The following GPC6 variants were observed in gnomAD, a reference collection of about 807,000 sequenced individuals.
GPC6 encodes glypican-6.
In GPC6, 14 loss-of-function variants were observed where a neutral mutation model predicts 55.2. The observed-to-expected ratio is 0.25, with a 90% CI of 0.17 to 0.40. The LOEUF (loss-of-function observed/expected upper bound fraction) is 0.40, where lower values mean the gene tolerates loss of function less well. Ranked by LOEUF, GPC6 falls within the 10% of genes least tolerant of loss-of-function variation. GPC6 has a pLI of 1.00. For synonymous variants in GPC6, 278 were observed against 259.6 expected (o/e 1.07, Z -0.68); for missense variants, 641 against 708.5 (o/e 0.90, Z 1.08).
intron 1 of GPC6, among the ~76,000 whole-genome samples, chr13:93,382,845 C>A (rs917067898): frequency 7.2e-5 from 11 of 152,122 alleles, no homozygotes; most frequent in Admixed American, 2.6e-4. Flanking sequence ...TATACATTGT[C>A]CCTACTTCCC....
chr13:93,676,716 T>C (rs149653023), intron 2 of GPC6, among the ~76,000 whole-genome samples: 1 of 152,296 alleles, frequency 6.6e-6, no homozygotes, highest in East Asian at 1.9e-4. Flanking sequence ...GTGTTCTGTA[T>C]GTTTTGCCAA....
chr13:93,266,086 G>A (rs1352641259), intron 1 of GPC6, among the ~76,000 whole-genome samples: 1 of 152,086 alleles, frequency 6.6e-6, no homozygotes, highest in Non-Finnish European at 1.5e-5. Context: ...TAAAAATGAA[G>A]ACACCTTCAG....
chr13:93,726,724 T>C lies in GPC6; in HGVS notation c.320-103430T>C, dbSNP rs1594404957. Reference sequence around the variant, plus strand: ...TTCTGTGGTTAGCTAAGTAATTTCTTTTTTGTAGTTATCCCTGCACAATGG... The same window carrying C: ...TTCTGTGGTTAGCTAAGTAATTTCTCTTTTGTAGTTATCCCTGCACAATGG... On this transcript the variant is annotated intron_variant, in intron 2 of 8. Transcript: ENST00000377047. Among the ~76,000 whole-genome samples the C allele has an allele frequency of 2.0e-5, 3 of 152,200 alleles. No individual in the cohort carries two copies. In the East Asian group the frequency reaches 5.8e-4, roughly 30 times the overall value.
intron 2 of GPC6, among the ~76,000 whole-genome samples, chr13:93,773,783 A>C (rs1284308880): frequency 6.6e-6 from 1 of 152,216 alleles, no homozygotes; most frequent in Admixed American, 6.6e-5. Context: ...AATAACAAGC[A>C]TTGAGTCTTA....
At chr13:93,738,969 A>ACACT (rs1555328095) in intron 2 of GPC6, among the ~76,000 whole-genome samples, 3 of 146,978 alleles carry the variant, frequency 2.0e-5, no homozygotes, top group Non-Finnish European at 4.5e-5. Context: ...ACACACACAC[A>ACACT]CACTCACACA....
intron 1 of GPC6, among the ~76,000 whole-genome samples, chr13:93,458,083 A>G (rs1184319083): frequency 1.3e-5 from 2 of 152,234 alleles, no homozygotes; most frequent in Non-Finnish European, 2.9e-5. Context: ...TCCCATGCAC[A>G]GATAACCATG....
At chr13:93,302,395 C>T (rs972467355) in intron 1 of GPC6, among the ~76,000 whole-genome samples, 1 of 152,168 alleles carries the variant, frequency 6.6e-6, no homozygotes, top group Non-Finnish European at 1.5e-5. Flanking sequence ...CAAAGGATTT[C>T]CACATGTAGT....
intron 4 of GPC6, among the ~76,000 whole-genome samples, chr13:94,105,919 C>A (rs998832597): frequency 1.3e-5 from 2 of 151,786 alleles, no homozygotes; most frequent in Non-Finnish European, 2.9e-5. Flanking sequence ...AAAAGGGTAG[C>A]TCCCACGACC....
At chr13:94,230,091 T>G (rs9524379) in intron 4 of GPC6, among the ~76,000 whole-genome samples, 30,341 of 152,014 alleles carry the variant, frequency 0.2, 3,205 homozygotes, top group East Asian at 0.42. Context: ...GATTATTTAG[T>G]TTGTCTGAAC....
At chr13:93,779,696 T>C (rs1885577704) in intron 2 of GPC6, among the ~76,000 whole-genome samples, 2 of 152,182 alleles carry the variant, frequency 1.3e-5, no homozygotes, top group Non-Finnish European at 2.9e-5. Context: ...TATCACTGTC[T>C]CTTTTTCATA....
intron 1 of GPC6, among the ~76,000 whole-genome samples, chr13:93,433,953 C>T (rs1361850800): frequency 1.3e-5 from 2 of 152,172 alleles, no homozygotes; most frequent in Non-Finnish European, 2.9e-5. Context: ...GAAGTTGAGT[C>T]GGTTCCCAGC....
intron 1 of GPC6, among the ~76,000 whole-genome samples, chr13:93,368,880 C>G (rs887584371): frequency 9.9e-5 from 15 of 152,118 alleles, no homozygotes; most frequent in Admixed American, 4.6e-4. Context: ...GGTTTGCAGA[C>G]TGTTTCCCAG....
At chr13:93,869,908 T>C (rs2139036346) in intron 3 of GPC6, among the ~76,000 whole-genome samples, 1 of 151,990 alleles carries the variant, frequency 6.6e-6, no homozygotes, top group Non-Finnish European at 1.5e-5. Flanking sequence ...AAAGAATGTT[T>C]TTCAAAAGAG....
chr13:93,693,208 A>G (rs1283072108), intron 2 of GPC6, among the ~76,000 whole-genome samples: 1 of 152,170 alleles, frequency 6.6e-6, no homozygotes, highest in Non-Finnish European at 1.5e-5. Context: ...ATTGTTAAGA[A>G]TTATACATGT....
At chr13:94,046,293 C>G (rs9561491) in intron 4 of GPC6, among the ~76,000 whole-genome samples, 1 of 151,912 alleles carries the variant, frequency 6.6e-6, no homozygotes, top group Admixed American at 6.6e-5. Context: ...AGTGATAGTG[C>G]TGAAGCCTGG....
intron 3 of GPC6, among the ~76,000 whole-genome samples, chr13:93,897,664 G>A (rs1170050623): frequency 6.6e-6 from 1 of 152,006 alleles, no homozygotes; most frequent in Non-Finnish European, 1.5e-5. Flanking sequence ...CTTAAATGGT[G>A]GCACATTCAG....
chr13:94,369,417 G>A (rs1879431781), intron 6 of GPC6, among the ~76,000 whole-genome samples: 1 of 152,152 alleles, frequency 6.6e-6, no homozygotes, highest in African/African-American at 2.4e-5. Flanking sequence ...TGGGCTGAAG[G>A]AGAAAGTCAA....
chr13:94,326,969 C>CA (rs1182769023), intron 6 of GPC6, among the ~76,000 whole-genome samples: 6 of 152,194 alleles, frequency 3.9e-5, no homozygotes, highest in Non-Finnish European at 7.3e-5. Context: ...CCAGCTCCCC[C>CA]ACTGGTATTT....
intron 3 of GPC6, among the ~76,000 whole-genome samples, chr13:93,849,718 T>G (rs1433845613): frequency 1.3e-5 from 2 of 152,090 alleles, no homozygotes; most frequent in Non-Finnish European, 2.9e-5. Context: ...CTTGTTGACT[T>G]ACTTATTACA....
Sources: allele counts gnomAD v4.1 joint callset (sites outside exome capture counted in the v4.1 genomes callset), GRCh38; gene constraint gnomAD v4.1.1; transcripts MANE v1.5; gene names NCBI Gene and HGNC (gene_info 2026-07-23, HGNC 2026-07-21).